Variants in HECW2 observed in about 807,000 individuals in gnomAD.
The protein encoded by HECW2 is HECT, C2 and WW domain containing E3 ubiquitin protein ligase 2, also known as E3 ubiquitin-protein ligase HECW2.
In HECW2, 61 loss-of-function variants were observed where a neutral mutation model predicts 175.2. The observed-to-expected ratio is 0.35, with a 90% CI of 0.28 to 0.43. HECW2 has a LOEUF of 0.43. Among genes scored for constraint, HECW2 ranks in the 20% least tolerant of loss-of-function variants. The pLI is 1.00. For synonymous variants in HECW2, 671 were observed against 731.0 expected (o/e 0.92, Z 1.32); for missense variants, 1,524 against 2,000.5 (o/e 0.76, Z 4.54).
At chr2:196,322,002 G>A in intron 7 of HECW2, among the ~76,000 whole-genome samples, 1 of 152,306 alleles carries the variant, frequency 6.6e-6, no homozygotes, top group East Asian at 1.9e-4. Context: ...AATTTTAGTT[G>A]CTTGAATGAA....
Position 196,271,292 on chromosome 2 carries a change from G to A in HECW2, c.3239-3C>T. The A allele has an allele frequency of 1.9e-6, 3 of 1,556,014 alleles. No individual in the cohort carries two copies. Among genetic ancestry groups the A allele is most frequent in the Non-Finnish European group, 2.6e-6 (3 of 1,135,028 alleles). On this transcript the variant is annotated splice_region_variant and splice_polypyrimidine_tract_variant and intron_variant, in intron 16 of 28. Coordinates refer to ENST00000644978, the MANE Select transcript of HECW2 (RefSeq NM_001348768.2). ...TGCAACAATCTTGTCATTGTAAGCT[G>A]AAAAAAAAATCAGAAAAGACAACAA...
chr2:196,343,088 A>G (rs575553499), intron 3 of HECW2, among the ~76,000 whole-genome samples: 56 of 145,424 alleles, frequency 3.9e-4, no homozygotes, highest in South Asian at 1.5e-3. Flanking sequence ...GTGTGTGTGT[A>G]TATACATATA....
intron 19 of HECW2, 166 bp from the exon 20 acceptor site, chr2:196,242,370 C>A: frequency 1.3e-6 from 1 of 793,552 alleles, no homozygotes; most frequent in South Asian, 1.9e-5. Flanking sequence ...AAACCTCAAC[C>A]AAGGTCTTAA....
chr2:196,397,126 A>G (rs1694691810), intron 2 of HECW2, among the ~76,000 whole-genome samples: 1 of 17,040 alleles, frequency 5.9e-5, no homozygotes, highest in South Asian at 1.5e-3. Context: ...AAACAAAACA[A>G]AACAAAACAA....
At chr2:196,288,903 T>C (rs1441689610) in intron 14 of HECW2, 1 of 152,234 alleles carries the variant, frequency 6.6e-6, no homozygotes, top group African/African-American at 2.4e-5. Flanking sequence ...GCAAATCCAA[T>C]TCCACCACTT....
At chr2:196,489,721 G>C (rs989934399) in intron 1 of HECW2, among the ~76,000 whole-genome samples, 1 of 152,196 alleles carries the variant, frequency 6.6e-6, no homozygotes, top group African/African-American at 2.4e-5. Context: ...ATAACCCAAA[G>C]AGAAGTGGGA....
intron 1 of HECW2, among the ~76,000 whole-genome samples, chr2:196,489,783 T>C (rs1687124394): frequency 6.6e-6 from 1 of 152,206 alleles, no homozygotes; most frequent in Admixed American, 6.5e-5. Flanking sequence ...TCCCCTACTT[T>C]CTTCTGTTCA....
At chr2:196,547,840 T>C (rs1438928165) in intron 1 of HECW2, among the ~76,000 whole-genome samples, 2 of 152,180 alleles carry the variant, frequency 1.3e-5, no homozygotes, top group Non-Finnish European at 2.9e-5. Context: ...CATATCCAGC[T>C]TCACAGTCAG....
intron 13 of HECW2, among the ~76,000 whole-genome samples, chr2:196,304,358 T>C (rs577053504): frequency 3.3e-5 from 5 of 152,214 alleles, no homozygotes; most frequent in Middle Eastern, 3.4e-3. Flanking sequence ...ATTTTGAGAT[T>C]AAAAAATAAA....
chr2:196,352,864 C>T (rs146993053), intron 2 of HECW2, among the ~76,000 whole-genome samples: 132 of 152,342 alleles, frequency 8.7e-4, no homozygotes, highest in African/African-American at 2.5e-3. Context: ...CCAAGAGTTA[C>T]AGTCATGGCC....
chr2:196,497,826 G>C (rs905330362), intron 1 of HECW2, among the ~76,000 whole-genome samples: 8 of 152,236 alleles, frequency 5.3e-5, no homozygotes, highest in African/African-American at 1.7e-4. Flanking sequence ...AAGGAATGCT[G>C]ATCACAGAGG....
intron 28 of HECW2, among the ~76,000 whole-genome samples, chr2:196,207,036 G>A (rs1687093349): frequency 1.3e-5 from 2 of 152,220 alleles, no homozygotes; most frequent in Admixed American, 6.5e-5. Flanking sequence ...GATGGAACAT[G>A]ACATTGCATC....
chr2:196,506,666 A>G (rs1687770401), intron 1 of HECW2, among the ~76,000 whole-genome samples: 1 of 151,930 alleles, frequency 6.6e-6, no homozygotes, highest in Non-Finnish European at 1.5e-5. Context: ...TATTTAATTA[A>G]TATTTATTTA....
At chr2:196,503,101 G>T (rs1300566462) in intron 1 of HECW2, among the ~76,000 whole-genome samples, 1 of 152,158 alleles carries the variant, frequency 6.6e-6, no homozygotes, top group Non-Finnish European at 1.5e-5. Context: ...ATGGGCACCT[G>T]TGCCAGCTCA....
chr2:196,228,300 A>C, intron 21 of HECW2, 46 bp from the exon 22 acceptor site: 1 of 1,556,910 alleles, frequency 6.4e-7, no homozygotes, highest in South Asian at 1.2e-5. Context: ...CTTTTTTTCT[A>C]GATATTGGGC....
chr2:196,357,319 G>A (rs73988186), intron 2 of HECW2, among the ~76,000 whole-genome samples: 2,134 of 136,350 alleles, frequency 0.016, 52 homozygotes, highest in African/African-American at 0.068. Context: ...CAACCCTGGT[G>A]GGGGGCTTGG....
chr2:196,504,295 C>CA (rs371882295), intron 1 of HECW2, among the ~76,000 whole-genome samples: 32,770 of 94,040 alleles, frequency 0.35, 5,451 homozygotes, highest in East Asian at 0.42. Context: ...AACTCTGTCT[C>CA]AAAAAAAAAA....
At chr2:196,523,084 A>G (rs1688473081) in intron 1 of HECW2, among the ~76,000 whole-genome samples, 1 of 151,674 alleles carries the variant, frequency 6.6e-6, no homozygotes, top group African/African-American at 2.4e-5. Flanking sequence ...GGCCATTTTC[A>G]CGATATTGAT....
chr2:196,523,285 T>C (rs1688488370), intron 1 of HECW2, among the ~76,000 whole-genome samples: 2 of 151,870 alleles, frequency 1.3e-5, no homozygotes, highest in South Asian at 4.2e-4. Context: ...TTGTCTGTTG[T>C]TGGTGTATAA....
Sources: gnomAD v4.1 joint callset for allele counts (sites outside exome capture counted in the v4.1 genomes callset) on GRCh38, gnomAD v4.1.1 for gene constraint, MANE v1.5 for transcripts, NCBI Gene and HGNC (gene_info 2026-07-23, HGNC 2026-07-21) for gene names.